The following CELF4 variants were observed in gnomAD, a reference collection of about 807,000 sequenced individuals.
CELF4 encodes the protein CUG-BP- and ETR-3-like factor 4.
Under a neutral mutation model 59.9 loss-of-function variants are expected in CELF4, and 18 were observed. That is an observed-to-expected ratio of 0.30 (90% CI 0.21 to 0.45). The LOEUF is 0.45. CELF4 is among the 20% of genes least tolerant of loss of function. CELF4 has a pLI of 1.00. For synonymous variants in CELF4, 261 were observed against 267.1 expected (o/e 0.98, Z 0.22); for missense variants, 456 against 689.0 (o/e 0.66, Z 3.79).
chr18:37,340,104 C>T lies in CELF4; in HGVS notation c.370-18223G>A, dbSNP rs574225257. 2.0e-4 allele frequency among the ~76,000 whole-genome samples: 31 copies of T among 152,322 alleles called. No homozygotes were observed. In the South Asian group the frequency reaches 6.2e-3, roughly 31 times the overall value. ...GGGTCTCCCCCTTTCCTGACTCCCA[C>T]CACAATGCCCAGCCTGGGGGGCACT... is the stretch of plus-strand genomic sequence containing the variant. On this transcript the variant is annotated intron_variant, in intron 2 of 12. Coordinates refer to ENST00000420428, the MANE Select transcript of CELF4 (RefSeq NM_020180.4).
chr18:37,303,032 A>G (rs1016580484), intron 3 of CELF4, among the ~76,000 whole-genome samples: 13 of 152,166 alleles, frequency 8.5e-5, no homozygotes, highest in Admixed American at 8.5e-4. Flanking sequence ...AGGGAACTGA[A>G]CACTGTAGGA....
At chr18:37,401,660 C>G (rs1046486503) in intron 2 of CELF4, among the ~76,000 whole-genome samples, 1 of 152,238 alleles carries the variant, frequency 6.6e-6, no homozygotes, top group Non-Finnish European at 1.5e-5. Context: ...CAATGTTCTA[C>G]CACTCCATGA....
chr18:37,548,593 G>A (rs577051334), intron 1 of CELF4, among the ~76,000 whole-genome samples: 102 of 152,304 alleles, frequency 6.7e-4, no homozygotes, highest in Admixed American at 8.5e-4. Flanking sequence ...AGAGCTGATA[G>A]GGGTGCTGAT....
At chr18:37,443,822 C>T (rs9807176) in intron 2 of CELF4, among the ~76,000 whole-genome samples, 40,128 of 152,038 alleles carry the variant, frequency 0.26, 5,785 homozygotes, top group East Asian at 0.45. Context: ...ATCCGCCCTC[C>T]ATTCGCCAGA....
chr18:37,434,795 C>T (rs1436232032), intron 2 of CELF4, among the ~76,000 whole-genome samples: 1 of 152,128 alleles, frequency 6.6e-6, no homozygotes, highest in Non-Finnish European at 1.5e-5. Flanking sequence ...CTGGTCTCCT[C>T]GCCAACTCCC....
intron 3 of CELF4, among the ~76,000 whole-genome samples, chr18:37,311,641 T>C (rs1338533164): frequency 2.0e-5 from 3 of 151,372 alleles, no homozygotes; most frequent in African/African-American, 7.3e-5. Flanking sequence ...TACAAAAAAT[T>C]AGCTGGGCAT....
At chr18:37,369,778 G>C (rs1194113327) in intron 2 of CELF4, among the ~76,000 whole-genome samples, 1 of 152,178 alleles carries the variant, frequency 6.6e-6, no homozygotes, top group Non-Finnish European at 1.5e-5. Flanking sequence ...TTCACTTTCT[G>C]TTCCAGCCAG....
At chr18:37,275,397 A>C (rs955482036) in intron 3 of CELF4, among the ~76,000 whole-genome samples, 154 bp from the exon 4 acceptor site, 1 of 50,524 alleles carries the variant, frequency 2.0e-5, no homozygotes. Flanking sequence ...GGGGAGGGGG[A>C]CGGGGGCGGG....
In CELF4 at chr18:37,469,707, A is replaced by G. The variant is rs147872021; in HGVS notation, c.369+15818T>C. Among the ~76,000 whole-genome samples the G allele has an allele frequency of 3.0e-3, 461 of 152,284 alleles. 3 individuals carry two copies. Among genetic ancestry groups the G allele is most frequent in the Non-Finnish European group, 5.1e-3 (346 of 68,024 alleles). ...AGATGGCACATACTGTCTTCTCAGA[A>G]CCTCTGGGCAGGAGTGAGGGAGGGC... On this transcript the variant is annotated intron_variant, in intron 2 of 12. Coordinates refer to ENST00000420428, the MANE Select transcript of CELF4 (RefSeq NM_020180.4).
At chr18:37,355,343 A>G (rs1294924766) in intron 2 of CELF4, among the ~76,000 whole-genome samples, 1 of 152,196 alleles carries the variant, frequency 6.6e-6, no homozygotes, top group African/African-American at 2.4e-5. Flanking sequence ...GTGCAGGTAC[A>G]TGTGGTGTAA....
At chr18:37,434,764 G>A (rs1395593229) in intron 2 of CELF4, among the ~76,000 whole-genome samples, 1 of 152,224 alleles carries the variant, frequency 6.6e-6, no homozygotes, top group East Asian at 1.9e-4. Flanking sequence ...CCCTTTCAGT[G>A]TAGGGAGTAG....
At chr18:37,560,972 G>C (rs1473596120) in intron 1 of CELF4, among the ~76,000 whole-genome samples, 1 of 152,188 alleles carries the variant, frequency 6.6e-6, no homozygotes, top group Non-Finnish European at 1.5e-5. Context: ...CTTTCACACA[G>C]CTAAACCCCA....
At chr18:37,374,021 T>G (rs565169300) in intron 2 of CELF4, among the ~76,000 whole-genome samples, 3 of 152,272 alleles carry the variant, frequency 2.0e-5, no homozygotes, top group African/African-American at 7.2e-5. Context: ...AAGGATAATG[T>G]AGGAGGTGAG....
rs1419055353 is a variant in CELF4, at chr18:37,315,968, CCTGG to C, written c.448+5831_448+5834del. On this transcript the variant is annotated intron_variant, in intron 3 of 12. Coordinates refer to ENST00000420428, the MANE Select transcript of CELF4 (RefSeq NM_020180.4). ...GACTCCCTGAAAGGAGGCCCTACAA[CCTGG>C]CTGCAGGAGGTACCTTGGTGGGGGA... Among the ~76,000 whole-genome samples the C allele has an allele frequency of 1.4e-4, 22 of 152,296 alleles. No homozygotes were observed. The East Asian group carries it at 4.3e-3, about 29-fold the overall frequency.
At chr18:37,563,124 A>G (rs12232617) in intron 1 of CELF4, among the ~76,000 whole-genome samples, 15,641 of 150,962 alleles carry the variant, frequency 0.1, 2,032 homozygotes, top group African/African-American at 0.3. Flanking sequence ...TATAATCATA[A>G]CCTTCTCTAC....
chr18:37,330,640 C>G (rs925637611), intron 2 of CELF4, among the ~76,000 whole-genome samples: 1 of 152,178 alleles, frequency 6.6e-6, no homozygotes, highest in African/African-American at 2.4e-5. Context: ...CCACGCAGGG[C>G]CCAGCATGGC....
chr18:37,445,021 C>T (rs914478659), intron 2 of CELF4, among the ~76,000 whole-genome samples: 6 of 152,058 alleles, frequency 3.9e-5, no homozygotes, highest in Non-Finnish European at 8.8e-5. Flanking sequence ...TGGGGCTGCT[C>T]GGAAAGGAGG....
intron 2 of CELF4, among the ~76,000 whole-genome samples, chr18:37,428,833 T>C (rs372246801): frequency 1.3e-5 from 2 of 152,174 alleles, no homozygotes; most frequent in East Asian, 3.9e-4. Context: ...CACTCCCTAG[T>C]GGCTGAGAAC....
At chr18:37,283,952 A>G in intron 3 of CELF4, among the ~76,000 whole-genome samples, 1 of 146,892 alleles carries the variant, frequency 6.8e-6, no homozygotes, top group Non-Finnish European at 1.5e-5. Context: ...CCACGCATAT[A>G]CCCCTACATA....
Sources: allele counts gnomAD v4.1 joint callset (sites outside exome capture counted in the v4.1 genomes callset), GRCh38; gene constraint gnomAD v4.1.1; transcripts MANE v1.5; gene names NCBI Gene and HGNC (gene_info 2026-07-23, HGNC 2026-07-21).